ARAP2: variants seen among roughly 807,000 people sequenced by gnomAD.
ARAP2 encodes the protein ArfGAP with RhoGAP domain, ankyrin repeat and PH domain 2, also known as arf-GAP with Rho-GAP domain, ANK repeat and PH domain-containing protein 2.
ARAP2 carries 148 observed loss-of-function variants against 194.5 expected under a neutral mutation model. The observed-to-expected ratio is 0.76, with a 90% CI of 0.67 to 0.87. The LOEUF (loss-of-function observed/expected upper bound fraction) is 0.87, where lower values mean the gene tolerates loss of function less well. Among genes scored for constraint, ARAP2 ranks in the 40% least tolerant of loss-of-function variants. The pLI, the probability that ARAP2 is intolerant of heterozygous loss-of-function variation, is 0.00. For missense variants in ARAP2, 2,128 were observed against 1,989.7 expected (o/e 1.07, Z -1.32); for synonymous variants, 695 against 683.5 (o/e 1.02, Z -0.26).
chr4:36,155,910 G>T (rs370507597), intron 15 of ARAP2, among the ~76,000 whole-genome samples: 2 of 151,978 alleles, frequency 1.3e-5, no homozygotes, highest in Admixed American at 1.3e-4. Flanking sequence ...TAGAAGACAC[G>T]GTCTTCCTAT....
intron 3 of ARAP2, among the ~76,000 whole-genome samples, chr4:36,047,729 C>A (rs1722057724): frequency 6.6e-6 from 1 of 152,170 alleles, no homozygotes; most frequent in Non-Finnish European, 1.5e-5. Context: ...ATAGCAGCAA[C>A]AACTAATATT....
chr4:36,107,836 G>A, intron 26 of ARAP2, 143 bp from the exon 27 acceptor site: 2 of 682,470 alleles, frequency 2.9e-6, no homozygotes, highest in Non-Finnish European at 4.5e-6. Flanking sequence ...ATATTATACA[G>A]TAATAGCACT....
At chr4:36,119,526 T>TA in intron 24 of ARAP2, 124 bp downstream of exon 24, 2 of 576,218 alleles carry the variant, frequency 3.5e-6, no homozygotes. Flanking sequence ...TAGTTTTTTT[T>TA]TTCACTCATT....
chr4:36,028,971 T>G (rs1718442202), intron 5 of ARAP2, among the ~76,000 whole-genome samples: 1 of 152,002 alleles, frequency 6.6e-6, no homozygotes, highest in African/African-American at 2.4e-5. Flanking sequence ...ATTTCTACTT[T>G]AAGGAAATTA....
intron 22 of ARAP2, 26 bp downstream of exon 22, chr4:36,124,836 C>A (rs760576431): frequency 1.1e-5 from 16 of 1,420,150 alleles, no homozygotes; most frequent in Non-Finnish European, 1.5e-5. Flanking sequence ...TTTGAAATGT[C>A]GAGAAAAGTT....
intron 5 of ARAP2, among the ~76,000 whole-genome samples, chr4:36,020,274 G>A (rs1176549782): frequency 6.6e-6 from 1 of 152,166 alleles, no homozygotes; most frequent in Non-Finnish European, 1.5e-5. Context: ...AGCCAGGTGT[G>A]TTGGTGGATG....
At chr4:36,205,854 T>C (rs1327617478) in intron 6 of ARAP2, among the ~76,000 whole-genome samples, 1 of 152,244 alleles carries the variant, frequency 6.6e-6, no homozygotes, top group East Asian at 1.9e-4. Context: ...TGAAACTTTT[T>C]TCGTCCTCAA....
chr4:36,229,784 A>C (rs1371300428), intron 1 of ARAP2, 139 bp from the exon 2 acceptor site: 1 of 242,392 alleles, frequency 4.1e-6, no homozygotes, highest in Non-Finnish European at 8.0e-6. Context: ...ATTGCTTTGC[A>C]TGCCCTAGAA....
intron 22 of ARAP2, 67 bp downstream of exon 22, chr4:36,124,795 C>T: frequency 1.0e-6 from 1 of 985,684 alleles, no homozygotes; most frequent in African/African-American, 1.6e-5. Context: ...TTCACAATCA[C>T]ATAAGAAATA....
intron 6 of ARAP2, among the ~76,000 whole-genome samples, chr4:36,205,638 T>A (rs1032121784): frequency 6.6e-6 from 1 of 151,414 alleles, no homozygotes; most frequent in Non-Finnish European, 1.5e-5. Context: ...TTATTGAGCA[T>A]CAATTAAGAG....
rs187277021 is a variant in ARAP2, at chr4:36,054,282, G to C, written n.322-2229C>G. On this transcript the variant is annotated intron_variant and non_coding_transcript_variant, in intron 2 of 12. Transcript: ENST00000503225. ...TTTTCTCTGTGTCTGGACCAGAGAG[G>C]AGCAGCTTAAAAGAGATTTTATAAA... Among the ~76,000 whole-genome samples the C allele has an allele frequency of 2.0e-5, 3 of 152,232 alleles. No individual in the cohort carries two copies. In the East Asian group the frequency reaches 5.8e-4, roughly 29 times the overall value.
At chr4:36,093,222 G>A (rs1205453685) in intron 27 of ARAP2, among the ~76,000 whole-genome samples, 1 of 152,054 alleles carries the variant, frequency 6.6e-6, no homozygotes, top group Non-Finnish European at 1.5e-5. Context: ...AGGGTGGGGG[G>A]AAGGAGAGAA....
chr4:36,034,493 T>C (rs1299227792), intron 5 of ARAP2, among the ~76,000 whole-genome samples: 1 of 152,184 alleles, frequency 6.6e-6, no homozygotes, highest in East Asian at 1.9e-4. Context: ...ATATTGATTT[T>C]GTACCCTGAA....
At chr4:36,069,759 C>G (rs1726365857) in intron 32 of ARAP2, among the ~76,000 whole-genome samples, 2 of 152,096 alleles carry the variant, frequency 1.3e-5, no homozygotes, top group South Asian at 4.2e-4. Context: ...CATCTATATC[C>G]CCACCCAAAT....
intron 5 of ARAP2, among the ~76,000 whole-genome samples, chr4:36,021,600 A>G (rs1230723807): frequency 6.6e-6 from 1 of 152,216 alleles, no homozygotes; most frequent in Non-Finnish European, 1.5e-5. Flanking sequence ...GAGGGCTCCC[A>G]AGAAGTGGAT....
chr4:36,160,029 G>A lies in ARAP2; in HGVS notation c.2442+430C>T, dbSNP rs1017610406. 8.7e-6 allele frequency: 8 copies of A among 922,456 alleles called. No homozygotes were observed. In the African/African-American group the frequency reaches 8.9e-5, roughly 10 times the overall value. 57.1% of individuals were successfully genotyped at this position (922,456 alleles called of 1,614,324 possible). A position where few individuals can be genotyped will look rare whatever the true frequency, so the allele number is the denominator to read the frequency against. On this transcript the variant is annotated intron_variant, in intron 13 of 32. Coordinates refer to ENST00000303965, the MANE Select transcript of ARAP2 (RefSeq NM_015230.4). ...AAGGAGGAAGAACAGTGAGAAGGCG[G>A]CAATAAAAAATATTATTGACTTATG...
rs541629554 is a variant in ARAP2 at position 36,219,918 on chromosome 4, C to T, written c.906-5438G>A. ...TAAAAATATACTCACTATAAGATTG[C>T]AATTTTTTAAGATCACAAAATGGGC... On this transcript the variant is annotated intron_variant, in intron 2 of 32. Coordinates refer to ENST00000303965, the MANE Select transcript of ARAP2 (RefSeq NM_015230.4). Among the ~76,000 whole-genome samples the T allele has an allele frequency of 2.6e-5, 4 of 152,164 alleles. No individual in the cohort carries two copies. The South Asian group carries it at 8.3e-4, about 32-fold the overall frequency.
chr4:36,113,086 T>A, intron 26 of ARAP2, among the ~76,000 whole-genome samples: 1 of 151,438 alleles, frequency 6.6e-6, no homozygotes. Flanking sequence ...GAAAACAGAG[T>A]GAAGATCATC....
rs1754223350 is a variant in ARAP2 at position 36,244,343 on chromosome 4, C to G, written c.-324G>C. The G allele has an allele frequency of 6.6e-6, 1 of 151,558 alleles. No homozygotes were observed. The highest frequency in any genetic ancestry group is 2.1e-4 in the South Asian group (1 of 4,836). The allele number at this position is 151,558 out of a possible 1,614,324, so 9.4% of individuals were successfully genotyped here. On this transcript the variant is annotated 5_prime_UTR_variant, in exon 1 of 33. Coordinates refer to ENST00000303965, the MANE Select transcript of ARAP2 (RefSeq NM_015230.4). Reference sequence around the variant, plus strand: ...CGGCTGTCCGCAGTCGCCTCTGCTGCCTGGCGGCGGCCGCGCGGGCGGCGC... The same window carrying G: ...CGGCTGTCCGCAGTCGCCTCTGCTGGCTGGCGGCGGCCGCGCGGGCGGCGC...
Sources: allele counts gnomAD v4.1 joint callset (sites outside exome capture counted in the v4.1 genomes callset), GRCh38; gene constraint gnomAD v4.1.1; transcripts MANE v1.5; gene names NCBI Gene and HGNC (gene_info 2026-07-23, HGNC 2026-07-21).